Variants in CD99L2 observed in about 807,000 individuals in gnomAD.
CD99L2 encodes CD99 antigen-like protein 2.
A neutral mutation model predicts 27.3 loss-of-function variants in CD99L2; 24 were observed. That is an observed-to-expected ratio of 0.88 (90% CI 0.64 to 1.24). The LOEUF is 1.24. Among genes scored for constraint, CD99L2 ranks in the 50% most tolerant of loss-of-function variants. The pLI, the probability that CD99L2 is intolerant of heterozygous loss-of-function variation, is 0.00. For synonymous variants in CD99L2, 97 were observed against 87.9 expected, an observed-to-expected ratio of 1.10 and a Z score of -0.58; for missense variants, 255 against 221.6, an observed-to-expected ratio of 1.15 and a Z score of -0.96.
intron 7 of CD99L2, among the ~76,000 whole-genome samples, chrX:150,778,448 T>C (rs1167442910): frequency 8.7e-5 from 8 of 91,887 alleles, no homozygotes; most frequent in Non-Finnish European, 1.7e-4. Context: ...TGTAAAAATG[T>C]ACCACTCTGG....
intron 10 of CD99L2, among the ~76,000 whole-genome samples, chrX:150,769,423 G>A (rs996800867): frequency 3.5e-5 from 4 of 112,855 alleles, no homozygotes; most frequent in African/African-American, 6.4e-5. Context: ...TGCTGGCCTC[G>A]TGGTGGCTAA....
At chrX:150,792,725 A>G (rs987746049) in intron 7 of CD99L2, among the ~76,000 whole-genome samples, 1 of 111,888 alleles carries the variant, frequency 8.9e-6, no homozygotes, top group South Asian at 3.7e-4. Context: ...GGGTTACCAC[A>G]ATTTACCATC....
intron 1 of CD99L2, among the ~76,000 whole-genome samples, chrX:150,837,491 G>A (rs370281560): frequency 1.8e-5 from 2 of 111,323 alleles, no homozygotes; most frequent in Non-Finnish European, 3.8e-5. Context: ...CTCTAGTGCC[G>A]CCCACCTTGG....
intron 1 of CD99L2, among the ~76,000 whole-genome samples, chrX:150,872,216 G>A (rs933136067): frequency 1.8e-5 from 2 of 110,741 alleles, no homozygotes; most frequent in Non-Finnish European, 3.8e-5. Flanking sequence ...GGGTGACAGA[G>A]TGAGACCCTG....
intron 4 of CD99L2, among the ~76,000 whole-genome samples, chrX:150,797,377 C>T (rs1185706191): frequency 3.6e-5 from 4 of 112,022 alleles, no homozygotes; most frequent in Non-Finnish European, 7.5e-5. Flanking sequence ...TTTTTTAGCT[C>T]ACATATTTGA....
intron 1 of CD99L2, among the ~76,000 whole-genome samples, chrX:150,886,316 G>C (rs1024851719): frequency 3.6e-5 from 4 of 112,396 alleles, no homozygotes; most frequent in Non-Finnish European, 7.5e-5. Flanking sequence ...GGTACCATAA[G>C]ATTGTAACTG....
At chrX:150,818,528 C>A (rs917510580) in intron 2 of CD99L2, among the ~76,000 whole-genome samples, 1 of 108,020 alleles carries the variant, frequency 9.3e-6, no homozygotes, top group African/African-American at 3.3e-5. Flanking sequence ...ACCAATAGGT[C>A]AAAAAAAACC....
intron 7 of CD99L2, among the ~76,000 whole-genome samples, chrX:150,780,117 T>G (rs1258971075): frequency 8.9e-6 from 1 of 111,941 alleles, no homozygotes; most frequent in African/African-American, 3.2e-5. Context: ...TGAATAGATG[T>G]TTCTCCAAAG....
intron 6 of CD99L2, among the ~76,000 whole-genome samples, 181 bp downstream of exon 6, chrX:150,795,025 A>T (rs1448964050): frequency 8.9e-6 from 1 of 112,421 alleles, no homozygotes; most frequent in African/African-American, 3.2e-5. Flanking sequence ...GACCCACATA[A>T]GCAAAATCTC....
chrX:150,798,383 C>CA (rs1376592189), intron 4 of CD99L2, among the ~76,000 whole-genome samples: 1 of 109,979 alleles, frequency 9.1e-6, no homozygotes, highest in African/African-American at 3.3e-5. Context: ...TAAACCCTTG[C>CA]ATATACGGTC....
At chrX:150,847,327 G>A (rs1197552100) in intron 1 of CD99L2, among the ~76,000 whole-genome samples, 1 of 111,931 alleles carries the variant, frequency 8.9e-6, no homozygotes, top group Non-Finnish European at 1.9e-5. Flanking sequence ...TGTTTTTCAA[G>A]CTTGTTTGGC....
chrX:150,853,131 C>T (rs931735526), intron 1 of CD99L2, among the ~76,000 whole-genome samples: 13 of 111,725 alleles, frequency 1.2e-4, no homozygotes, highest in African/African-American at 4.2e-4. Context: ...CACTTTAGGC[C>T]GTGTCACCCA....
chrX:150,822,177 T>C (rs2124200665), intron 2 of CD99L2, among the ~76,000 whole-genome samples: 1 of 112,293 alleles, frequency 8.9e-6, no homozygotes, highest in Non-Finnish European at 1.9e-5. Context: ...CAATGGAGTA[T>C]TACTTAGCCA....
chrX:150,768,780 C>G lies in CD99L2; in HGVS notation c.*254G>C. 9.4e-6 allele frequency: 6 copies of G among 638,782 alleles called. No individual in the cohort carries two copies. The highest frequency in any genetic ancestry group is 1.3e-5 in the Non-Finnish European group (6 of 475,104). 52.6% of individuals were successfully genotyped at this position (638,782 alleles called of 1,213,427 possible). On this transcript the variant is annotated 3_prime_UTR_variant, in exon 11 of 11. Coordinates refer to ENST00000370377, the MANE Select transcript of CD99L2 (RefSeq NM_031462.4). ...GCAGGCTGGCTTTGGGAGTTGGTGGCTCAGCAGCTCCCGAGGCTGGTGCTG... is the reference window on the plus strand; with the variant it reads ...GCAGGCTGGCTTTGGGAGTTGGTGGGTCAGCAGCTCCCGAGGCTGGTGCTG...
intron 4 of CD99L2, among the ~76,000 whole-genome samples, chrX:150,806,030 C>A (rs2045987999): frequency 8.9e-6 from 1 of 111,778 alleles, no homozygotes; most frequent in African/African-American, 3.3e-5. Context: ...TAAACACACA[C>A]ACACACTCAG....
intron 1 of CD99L2, among the ~76,000 whole-genome samples, chrX:150,842,211 C>T (rs1236553850): frequency 1.8e-5 from 2 of 111,950 alleles, no homozygotes; most frequent in Non-Finnish European, 3.8e-5. Flanking sequence ...CAATGTTGCC[C>T]ATGGACTTGT....
At chrX:150,798,229 GAA>G (rs1557419980) in intron 4 of CD99L2, among the ~76,000 whole-genome samples, 10 of 26,297 alleles carry the variant, frequency 3.8e-4, no homozygotes, top group African/African-American at 1.4e-3. Context: ...AGGAAGGAAG[GAA>G]GGAAGGAAGG....
At chrX:150,894,197 T>G (rs1161940187) in intron 1 of CD99L2, among the ~76,000 whole-genome samples, 1 of 112,270 alleles carries the variant, frequency 8.9e-6, no homozygotes, top group Non-Finnish European at 1.9e-5. Flanking sequence ...ATCTACTTTC[T>G]GTCTCTATGG....
At chrX:150,771,785 G>A in intron 9 of CD99L2, 1 of 1,154,958 alleles carries the variant, frequency 8.7e-7, no homozygotes, top group Non-Finnish European at 1.1e-6. Flanking sequence ...AGGAAAGTGA[G>A]GAAGGCAAAG....
Sources: allele counts gnomAD v4.1 joint callset (sites outside exome capture counted in the v4.1 genomes callset), GRCh38; gene constraint gnomAD v4.1.1; transcripts MANE v1.5; gene names NCBI Gene and HGNC (gene_info 2026-07-23, HGNC 2026-07-21).